Variants in TRIM5 observed in about 807,000 individuals in gnomAD.
TRIM5 encodes the protein tripartite motif-containing protein 5.
In TRIM5, 31 loss-of-function variants were observed where a neutral mutation model predicts 35.6. The observed-to-expected ratio is 0.87, with a 90% CI of 0.65 to 1.18. The LOEUF is 1.18. TRIM5 is among the 50% of genes most tolerant of loss of function. TRIM5 has a pLI of 0.00. For missense variants in TRIM5, 609 were observed against 591.6 expected, an observed-to-expected ratio of 1.03 and a Z score of -0.31; for synonymous variants, 243 against 215.6, an observed-to-expected ratio of 1.13 and a Z score of -1.11.
chr11:5,658,892 T>C (rs1234970662), downstream of TRIM5, among the ~76,000 whole-genome samples: 4 of 152,124 alleles, frequency 2.6e-5, no homozygotes, highest in African/African-American at 9.7e-5. Flanking sequence ...CTCAGCAAAC[T>C]ATCACAAGGA....
chr11:5,596,691 T>C, the TRIM5 span: 5 of 732,264 alleles, frequency 6.8e-6, no homozygotes, highest in Non-Finnish European at 1.1e-5. Context: ...GGTCCGTCCG[T>C]TCAACGGCCA....
At chr11:5,669,090 T>C (rs975189924) in intron 4 of TRIM5, among the ~76,000 whole-genome samples, 22 of 151,622 alleles carry the variant, frequency 1.5e-4, no homozygotes, top group Admixed American at 7.2e-4. Context: ...CTTTTTTTTT[T>C]TTTTTTTTGA....
the TRIM5 span, among the ~76,000 whole-genome samples, chr11:5,622,481 A>ATGTGGTG: frequency 1.3e-5 from 2 of 150,082 alleles, no homozygotes; most frequent in African/African-American, 2.5e-5. Flanking sequence ...AATTAGCTGG[A>ATGTGGTG]CGTGGTGGCG....
the TRIM5 span, chr11:5,626,648 G>C: frequency 6.6e-6 from 1 of 152,206 alleles, no homozygotes; most frequent in Non-Finnish European, 1.5e-5. Flanking sequence ...GGGAGGACAA[G>C]GCAGGAAGAT....
At chr11:5,661,146 T>C (rs1850810206), downstream of TRIM5, among the ~76,000 whole-genome samples, 1 of 146,166 alleles carries the variant, frequency 6.8e-6, no homozygotes, top group Admixed American at 6.9e-5. Flanking sequence ...TTATTGATAC[T>C]GAATAGGATC....
the TRIM5 span, among the ~76,000 whole-genome samples, chr11:5,647,070 A>C: frequency 6.6e-6 from 1 of 152,206 alleles, no homozygotes; most frequent in Non-Finnish European, 1.5e-5. Flanking sequence ...TGGGTGTTTG[A>C]GACGTATCAG....
intron 4 of TRIM5, among the ~76,000 whole-genome samples, chr11:5,677,484 G>C (rs1380218539): frequency 6.6e-6 from 1 of 152,202 alleles, no homozygotes; most frequent in Non-Finnish European, 1.5e-5. Flanking sequence ...GGAGAAATAG[G>C]AACACTTTTA....
intron 5 of TRIM5, 27 bp from the exon 6 acceptor site, chr11:5,666,108 C>T (rs1434084008): frequency 2.9e-6 from 3 of 1,022,580 alleles, no homozygotes; most frequent in Non-Finnish European, 4.3e-6. Context: ...AAAAAAAAAA[C>T]TTCCAAACCT....
At position 5,663,217 on chromosome 11, in the gene TRIM5, C is replaced by CA; in HGVS notation, c.*1591dup. On this transcript the variant is annotated 3_prime_UTR_variant, in exon 8 of 8. Transcript: ENST00000380034. ...CATGCTAGAAATGAGTGAAGCTATT[C>CA]AAAAAACTCGTTTAACTTTTAAAAA... The CA allele has an allele frequency of 1.1e-6, 1 of 937,424 alleles. No homozygotes were observed. The highest frequency in any genetic ancestry group is 1.3e-6 in the Non-Finnish European group (1 of 786,278). 58.1% of individuals were successfully genotyped at this position (937,424 alleles called of 1,614,324 possible). A position where few individuals can be genotyped will look rare whatever the true frequency, so the allele number is the denominator to read the frequency against.
the TRIM5 span, among the ~76,000 whole-genome samples, chr11:5,652,852 C>CTTTT: frequency 7.0e-6 from 1 of 143,658 alleles, no homozygotes; most frequent in African/African-American, 2.6e-5. Flanking sequence ...TTTTCTTTTT[C>CTTTT]TTTTTTTTTT....
downstream of TRIM5, among the ~76,000 whole-genome samples, chr11:5,659,923 A>C (rs1850757348): frequency 6.6e-6 from 1 of 152,072 alleles, no homozygotes; most frequent in South Asian, 2.1e-4. Context: ...ATTCCTCTAT[A>C]TCTCTTCTTT....
intron 1 of TRIM5, among the ~76,000 whole-genome samples, chr11:5,682,196 G>C (rs1387196089): frequency 1.3e-5 from 2 of 152,280 alleles, no homozygotes; most frequent in Admixed American, 1.3e-4. Context: ...CTGAGGCTGG[G>C]AGTTCAAGAC....
At chr11:5,628,393 G>C in the TRIM5 span, among the ~76,000 whole-genome samples, 3 of 152,342 alleles carry the variant, frequency 2.0e-5, no homozygotes, top group African/African-American at 7.2e-5. Flanking sequence ...TGTCTTACTA[G>C]TCATCAGATC....
the TRIM5 span, among the ~76,000 whole-genome samples, chr11:5,629,479 T>C: frequency 2.0e-5 from 3 of 152,194 alleles, no homozygotes; most frequent in African/African-American, 7.2e-5. Flanking sequence ...CCACCCTTTT[T>C]CCCTTTGCCT....
the TRIM5 span, chr11:5,642,453 T>C: frequency 6.2e-7 from 1 of 1,613,934 alleles, no homozygotes; most frequent in East Asian, 2.2e-5. Context: ...TCCAAGAAAC[T>C]GAAGACTGTA....
chr11:5,645,781 GA>G, the TRIM5 span: 1 of 217,716 alleles, frequency 4.6e-6, no homozygotes, highest in African/African-American at 2.4e-5. Context: ...TGATTCTCTG[GA>G]TACATTCCCA....
the TRIM5 span, chr11:5,612,257 T>G: frequency 3.9e-5 from 6 of 152,232 alleles, no homozygotes; most frequent in Admixed American, 3.9e-4. Context: ...TAAATTACTT[T>G]GTTTTTGTAT....
At chr11:5,624,748 C>T in the TRIM5 span, 1 of 152,256 alleles carries the variant, frequency 6.6e-6, no homozygotes, top group Admixed American at 6.5e-5. Flanking sequence ...CCAAATATCT[C>T]TTCAGACATT....
chr11:5,615,662 T>C, the TRIM5 span, among the ~76,000 whole-genome samples: 3 of 151,464 alleles, frequency 2.0e-5, no homozygotes, highest in African/African-American at 7.3e-5. Flanking sequence ...GGCGTGATCT[T>C]GGCTAACTGC....
Sources: gnomAD v4.1 joint callset for allele counts (sites outside exome capture counted in the v4.1 genomes callset) on GRCh38, gnomAD v4.1.1 for gene constraint, MANE v1.5 for transcripts, NCBI Gene and HGNC (gene_info 2026-07-23, HGNC 2026-07-21) for gene names.